The following CAMSAP2 variants were observed in gnomAD, a reference collection of about 807,000 sequenced individuals.
CAMSAP2 encodes the protein calmodulin-regulated spectrin-associated protein 2.
Under a neutral mutation model 146.1 loss-of-function variants are expected in CAMSAP2, and 26 were observed. The observed-to-expected ratio is 0.18, with a 90% CI of 0.13 to 0.25. The LOEUF is 0.25. Ranked by LOEUF, CAMSAP2 falls within the 10% of genes least tolerant of loss-of-function variation. The pLI is 1.00. For missense variants in CAMSAP2, 1,381 were observed against 1,759.3 expected (o/e 0.78, Z 3.85); for synonymous variants, 499 against 596.6 (o/e 0.84, Z 2.38).
intron 4 of CAMSAP2, among the ~76,000 whole-genome samples, chr1:200,826,829 A>G (rs928387231): frequency 6.6e-6 from 1 of 152,162 alleles, no homozygotes; most frequent in African/African-American, 2.4e-5. Context: ...CCTGTTATCC[A>G]TGGGTTTTAA....
intron 12 of CAMSAP2, 90 bp downstream of exon 12, chr1:200,852,767 G>T: frequency 3.0e-6 from 4 of 1,325,570 alleles, no homozygotes; most frequent in Non-Finnish European, 4.1e-6. Context: ...CAAAGAGGTG[G>T]TCTCTCATTA....
chr1:200,768,873 CGACCTCCT>C (rs1005809002), intron 2 of CAMSAP2, among the ~76,000 whole-genome samples: 6 of 151,996 alleles, frequency 3.9e-5, no homozygotes, highest in Non-Finnish European at 8.8e-5. Context: ...AGGATGGTCT[CGACCTCCT>C]GACCTCGTGA....
At chr1:200,799,681 G>T (rs932611477) in intron 2 of CAMSAP2, among the ~76,000 whole-genome samples, 1 of 152,038 alleles carries the variant, frequency 6.6e-6, no homozygotes, top group East Asian at 1.9e-4. Context: ...CTTCAGTTCT[G>T]CTCTGATCGT....
intron 1 of CAMSAP2, among the ~76,000 whole-genome samples, chr1:200,740,586 A>G (rs1664134033): frequency 6.6e-6 from 1 of 152,220 alleles, no homozygotes; most frequent in African/African-American, 2.4e-5. Flanking sequence ...TTCATTTCAT[A>G]TTATCAGTGA....
At chr1:200,837,133 T>C (rs547348777) in intron 6 of CAMSAP2, among the ~76,000 whole-genome samples, 1 of 152,234 alleles carries the variant, frequency 6.6e-6, no homozygotes, top group Non-Finnish European at 1.5e-5. Context: ...TGTTGCAACT[T>C]CTTTTGGCAC....
intron 11 of CAMSAP2, 108 bp downstream of exon 11, chr1:200,850,342 TTTTGA>T: frequency 1.1e-6 from 1 of 928,226 alleles, no homozygotes. Context: ...TAGCAGTCCC[TTTTGA>T]TACAAGTTCA....
chr1:200,747,108 A>G (rs1444132904), intron 1 of CAMSAP2, among the ~76,000 whole-genome samples: 1 of 152,104 alleles, frequency 6.6e-6, no homozygotes, highest in Non-Finnish European at 1.5e-5. Flanking sequence ...TGTGTTGCCC[A>G]AGCTGGTCTT....
chr1:200,742,588 AATAG>A (rs1352477101), intron 1 of CAMSAP2, among the ~76,000 whole-genome samples: 1 of 152,178 alleles, frequency 6.6e-6, no homozygotes, highest in East Asian at 1.9e-4. Context: ...AGGAAAGGTT[AATAG>A]ATAGCATATT....
chr1:200,857,314 C>A lies in CAMSAP2; in HGVS notation c.4021C>A (p.Leu1341Ile). ...ASGTEYTGPK[L>I]YKEPSAKSNK... ...TTAAATCCCTACCATAGGACCAAAG[C>A]TCTACAAAGAACCCAGTGCAAAATC... The change falls in exon 16 of 17, where the codon CTC becomes ATC. Residue 1341 changes from leucine (L) to isoleucine (I), a missense_variant. Physicochemically the swap from Leu to Ile is conservative, Grantham distance 5. Coordinates refer to ENST00000358823, the MANE Select transcript of CAMSAP2 (RefSeq NM_203459.4). The surrounding 1 kb of genome is among the most constrained non-coding windows in gnomAD (Gnocchi z 4.7). 6.2e-7 allele frequency: 1 copy of A among 1,604,478 alleles called. No individual in the cohort carries two copies. Among genetic ancestry groups the A allele is most frequent in the Non-Finnish European group, 8.5e-7 (1 of 1,171,652 alleles).
rs144510080 is a variant in CAMSAP2, at chr1:200,837,928, C to T, written c.928-4066C>T. On this transcript the variant is annotated intron_variant, in intron 6 of 16. Coordinates refer to ENST00000358823, the MANE Select transcript of CAMSAP2 (RefSeq NM_203459.4). ...TGATTTTTGTACATTAATTTTGTAT[C>T]CTGAGACTTTGCTGAAGTTGTTTAT... is the stretch of plus-strand genomic sequence containing the variant. 1.9e-3 allele frequency among the ~76,000 whole-genome samples: 296 copies of T among 152,116 alleles called. 1 individual carries two copies. The highest frequency in any genetic ancestry group is 6.9e-3 in the African/African-American group (288 of 41,506).
intron 2 of CAMSAP2, among the ~76,000 whole-genome samples, chr1:200,764,788 CT>C (rs1399036494): frequency 6.6e-6 from 1 of 152,114 alleles, no homozygotes; most frequent in East Asian, 1.9e-4. Flanking sequence ...TCTGTAGTTC[CT>C]TTTAGTAATC....
intron 1 of CAMSAP2, among the ~76,000 whole-genome samples, chr1:200,746,596 AG>A (rs1160312967): frequency 6.6e-6 from 1 of 151,492 alleles, no homozygotes; most frequent in Admixed American, 6.6e-5. Flanking sequence ...TTTAAAAAGT[AG>A]GTGACTACCA....
Position 200,835,111 on chromosome 1 carries a change from G to A in CAMSAP2, c.927+2266G>A, listed in dbSNP as rs558202691. Among the ~76,000 whole-genome samples, 7 of 152,246 alleles carry A rather than the reference G, an allele frequency of 4.6e-5. No homozygotes were observed. The East Asian group carries it at 1.4e-3, about 29-fold the overall frequency. ...GGTAAACCATTTGGAAGCAGACTGGGGAAACGAACTGGGTACACCTTTGCT... is the reference window on the plus strand; with the variant it reads ...GGTAAACCATTTGGAAGCAGACTGGAGAAACGAACTGGGTACACCTTTGCT... On this transcript the variant is annotated intron_variant, in intron 6 of 16. Coordinates refer to ENST00000358823, the MANE Select transcript of CAMSAP2 (RefSeq NM_203459.4).
At chr1:200,803,562 T>C (rs1054280184) in intron 2 of CAMSAP2, among the ~76,000 whole-genome samples, 9 of 152,164 alleles carry the variant, frequency 5.9e-5, no homozygotes, top group Admixed American at 3.3e-4. Flanking sequence ...ATTGTGTATA[T>C]ACTTTCTGTT....
chr1:200,814,870 TATTG>T (rs1012348680), intron 3 of CAMSAP2, among the ~76,000 whole-genome samples: 1 of 152,148 alleles, frequency 6.6e-6, no homozygotes, highest in African/African-American at 2.4e-5. Flanking sequence ...TTTGAACTTT[TATTG>T]ATTGTTACTA....
intron 2 of CAMSAP2, among the ~76,000 whole-genome samples, chr1:200,774,935 G>A (rs187169972): frequency 1.6e-4 from 24 of 152,238 alleles, no homozygotes; most frequent in Admixed American, 1.1e-3. Flanking sequence ...TTTTGGTTAC[G>A]GGATGTAGTA....
chr1:200,743,940 C>CAATAAATAAATA (rs57009637), intron 1 of CAMSAP2, among the ~76,000 whole-genome samples: 121 of 147,758 alleles, frequency 8.2e-4, no homozygotes, highest in East Asian at 3.0e-3. Flanking sequence ...GACTCTGTCT[C>CAATAAATAAATA]AATAAATAAA....
chr1:200,776,965 C>T (rs1041577074), intron 2 of CAMSAP2, among the ~76,000 whole-genome samples: 1 of 152,052 alleles, frequency 6.6e-6, no homozygotes, highest in African/African-American at 2.4e-5. Flanking sequence ...CTCAAGGCCC[C>T]TTATGTGGAA....
At chr1:200,841,932 T>C (rs1409913051) in intron 6 of CAMSAP2, 62 bp from the exon 7 acceptor site, 18 of 1,164,986 alleles carry the variant, frequency 1.5e-5, no homozygotes, top group Non-Finnish European at 2.3e-5. Flanking sequence ...TTTAAAACAA[T>C]AAAATTCTGT....
Sources: gnomAD v4.1 joint callset for allele counts (sites outside exome capture counted in the v4.1 genomes callset) on GRCh38, gnomAD v4.1.1 for gene constraint, Gnocchi (gnomAD v3.1) non-coding constraint, MANE v1.5 for transcripts, NCBI Gene and HGNC (gene_info 2026-07-23, HGNC 2026-07-21) for gene names.